HAPSTR1: variants seen among roughly 807,000 people sequenced by gnomAD.
HAPSTR1 encodes HUWE1 associated protein modifying stress responses.
chr16:9,106,215 C>T, the HAPSTR1 span: 5 of 152,018 alleles, frequency 3.3e-5, no homozygotes, highest in African/African-American at 1.2e-4. Context: ...TTGAGACCAC[C>T]CTGGCCAACA....
At chr16:9,106,834 GTTGAA>G in the HAPSTR1 span, 1 of 152,068 alleles carries the variant, frequency 6.6e-6, no homozygotes, top group Admixed American at 6.5e-5. Flanking sequence ...TTTCCCAAGA[GTTGAA>G]TTAATACCAA....
the HAPSTR1 span, chr16:9,108,450 T>C: frequency 6.6e-6 from 1 of 152,106 alleles, no homozygotes; most frequent in African/African-American, 2.4e-5. Flanking sequence ...CCTTCCGAAG[T>C]GTTGGGAATA....
the HAPSTR1 span, among the ~76,000 whole-genome samples, chr16:9,100,457 T>C: frequency 6.6e-6 from 1 of 152,172 alleles, no homozygotes; most frequent in Non-Finnish European, 1.5e-5. Flanking sequence ...CCCCTTCCTT[T>C]TGGCCCTTGA....
chr16:9,117,151 C>A, the HAPSTR1 span: 1 of 529,936 alleles, frequency 1.9e-6, no homozygotes, highest in Admixed American at 3.6e-5. Context: ...TAGTCGTTAG[C>A]AAGATCATCA....
the HAPSTR1 span, among the ~76,000 whole-genome samples, chr16:9,113,687 G>A: frequency 4.6e-5 from 7 of 152,132 alleles, no homozygotes; most frequent in Non-Finnish European, 7.3e-5. Context: ...TTACCTTTTG[G>A]ATTATGAAAC....
chr16:9,115,372 G>A, the HAPSTR1 span, among the ~76,000 whole-genome samples: 3 of 152,262 alleles, frequency 2.0e-5, no homozygotes, highest in East Asian at 1.9e-4. Context: ...TGATAGTCAA[G>A]CAATAACAGA....
At chr16:9,101,920 A>C in the HAPSTR1 span, among the ~76,000 whole-genome samples, 4 of 152,158 alleles carry the variant, frequency 2.6e-5, no homozygotes, top group Non-Finnish European at 5.9e-5. Flanking sequence ...CAGGAGTTGA[A>C]GACCAGCCTG....
the HAPSTR1 span, among the ~76,000 whole-genome samples, chr16:9,095,813 A>G: frequency 2.0e-5 from 3 of 152,264 alleles, no homozygotes; most frequent in East Asian, 5.8e-4. Flanking sequence ...GTGGGTGGTT[A>G]CCTCTACTGT....
the HAPSTR1 span, chr16:9,109,157 A>C: frequency 6.6e-6 from 1 of 152,194 alleles, no homozygotes. Context: ...AGCTTGTCTC[A>C]TGTTGACAGA....
At chr16:9,093,154 TC>T in the HAPSTR1 span, among the ~76,000 whole-genome samples, 1 of 151,952 alleles carries the variant, frequency 6.6e-6, no homozygotes, top group Non-Finnish European at 1.5e-5. Flanking sequence ...TCTAGCTAGA[TC>T]CACCGGAGGC....
the HAPSTR1 span, chr16:9,108,632 A>T: frequency 6.6e-6 from 1 of 152,178 alleles, no homozygotes; most frequent in African/African-American, 2.4e-5. Context: ...ATCAGAAACG[A>T]TGTGAATTTT....
chr16:9,116,864 C>T, the HAPSTR1 span: 3 of 1,614,154 alleles, frequency 1.9e-6, no homozygotes, highest in African/African-American at 1.3e-5. Flanking sequence ...CCCAGTGTGG[C>T]GATGTCATTA....
At chr16:9,092,847 GT>G in the HAPSTR1 span, 2 of 1,401,362 alleles carry the variant, frequency 1.4e-6, no homozygotes, top group Non-Finnish European at 1.9e-6. Context: ...TAACATTCTT[GT>G]TCTCTTTCTT....
the HAPSTR1 span, among the ~76,000 whole-genome samples, chr16:9,101,234 T>C: frequency 2.0e-5 from 3 of 152,234 alleles, no homozygotes; most frequent in Non-Finnish European, 4.4e-5. Flanking sequence ...TCTAAATCTT[T>C]TCCTAAAGAG....
the HAPSTR1 span, among the ~76,000 whole-genome samples, chr16:9,113,352 A>G: frequency 6.6e-6 from 1 of 152,320 alleles, no homozygotes; most frequent in Admixed American, 6.5e-5. Context: ...CCCAGTAGAA[A>G]AAGATGATTT....
At chr16:9,099,776 A>G in the HAPSTR1 span, among the ~76,000 whole-genome samples, 2 of 152,168 alleles carry the variant, frequency 1.3e-5, no homozygotes, top group Non-Finnish European at 2.9e-5. Context: ...GAGATTATCC[A>G]CTGTACACTA....
chr16:9,107,216 A>T, the HAPSTR1 span: 1 of 152,034 alleles, frequency 6.6e-6, no homozygotes, highest in Admixed American at 6.5e-5. Flanking sequence ...CAGCAGAATG[A>T]CTCATTGAGC....
the HAPSTR1 span, chr16:9,093,129 G>A: frequency 6.4e-6 from 6 of 936,444 alleles, no homozygotes; most frequent in African/African-American, 1.0e-4. Flanking sequence ...TGCAACTTGA[G>A]AATCGCGGCG....
chr16:9,109,335 G>A, the HAPSTR1 span: 1 of 152,124 alleles, frequency 6.6e-6, no homozygotes, highest in Non-Finnish European at 1.5e-5. Flanking sequence ...TGAGAAGATG[G>A]CATGGGTCCT....
Sources: allele counts gnomAD v4.1 joint callset (sites outside exome capture counted in the v4.1 genomes callset), GRCh38; gene constraint gnomAD v4.1.1; transcripts MANE v1.5; gene names NCBI Gene and HGNC (gene_info 2026-07-23, HGNC 2026-07-21).